GLRX3: variants seen among roughly 807,000 people sequenced by gnomAD.
The protein encoded by GLRX3 is glutaredoxin 3, also known as glutaredoxin-3.
Under a neutral mutation model 49.5 loss-of-function variants are expected in GLRX3, and 22 were observed. The observed-to-expected ratio is 0.44, with a 90% CI of 0.32 to 0.63. The LOEUF (loss-of-function observed/expected upper bound fraction) is 0.63. Among genes scored for constraint, GLRX3 ranks in the 30% least tolerant of loss-of-function variants. GLRX3 has a pLI of 0.05. For missense variants in GLRX3, 385 were observed against 396.3 expected (o/e 0.97, Z 0.24); for synonymous variants, 133 against 140.0 (o/e 0.95, Z 0.35).
chr10:130,154,104 G>A (rs1862431404), intron 2 of GLRX3, among the ~76,000 whole-genome samples: 1 of 152,224 alleles, frequency 6.6e-6, no homozygotes, highest in African/African-American at 2.4e-5. Flanking sequence ...TGCGCTGGCA[G>A]CGAGCAAGGC....
At chr10:130,147,677 T>C (rs956217722) in intron 2 of GLRX3, among the ~76,000 whole-genome samples, 6 of 152,224 alleles carry the variant, frequency 3.9e-5, no homozygotes, top group Admixed American at 3.3e-4. Flanking sequence ...GGCAGCTAAT[T>C]AAAAGGCACT....
Position 130,168,972 on chromosome 10 carries a change from G to A in GLRX3, c.714-461G>A, listed in dbSNP as rs144747563. ...GTTAAGATGAGAGAATTTGATTTTA[G>A]TATCTGGCATTAGTTGATGTTCTGA... On this transcript the variant is annotated intron_variant, in intron 6 of 10. Transcript: ENST00000331244. 6.6e-3 allele frequency among the ~76,000 whole-genome samples: 1,007 copies of A among 152,278 alleles called. 11 individuals are homozygous for A. Among genetic ancestry groups the A allele is most frequent in the Non-Finnish European group, 7.3e-3 (499 of 68,028 alleles).
At chr10:130,177,092 AC>A (rs1862938368) in intron 10 of GLRX3, among the ~76,000 whole-genome samples, 1 of 152,250 alleles carries the variant, frequency 6.6e-6, no homozygotes, top group African/African-American at 2.4e-5. Context: ...AATAGATCTT[AC>A]GATCCCATTT....
intron 2 of GLRX3, among the ~76,000 whole-genome samples, chr10:130,145,751 T>C (rs188089299): frequency 4.1e-4 from 62 of 152,188 alleles, no homozygotes; most frequent in African/African-American, 1.4e-3. Flanking sequence ...GTATAATTGG[T>C]GTGGGATCTG....
At chr10:130,154,842 A>T (rs888919624) in intron 2 of GLRX3, among the ~76,000 whole-genome samples, 1 of 152,240 alleles carries the variant, frequency 6.6e-6, no homozygotes, top group Admixed American at 6.5e-5. Flanking sequence ...GTAGACATAT[A>T]TGTTATCAAG....
chr10:130,160,479 G>A (rs550878566), intron 3 of GLRX3, among the ~76,000 whole-genome samples: 2 of 152,052 alleles, frequency 1.3e-5, no homozygotes, highest in Non-Finnish European at 2.9e-5. Context: ...GGCACCCATG[G>A]GTGTCATCGT....
intron 4 of GLRX3, among the ~76,000 whole-genome samples, chr10:130,165,598 TAAC>T (rs1289823882): frequency 3.3e-5 from 5 of 149,908 alleles, no homozygotes; most frequent in African/African-American, 1.0e-4. Context: ...GGTTCATATA[TAAC>T]AACAGAGAAG....
chr10:130,167,772 AT>A, intron 6 of GLRX3, among the ~76,000 whole-genome samples: 1 of 152,294 alleles, frequency 6.6e-6, no homozygotes, highest in South Asian at 2.1e-4. Context: ...TCTGTCGTTA[AT>A]TAATAATTTC....
intron 6 of GLRX3, among the ~76,000 whole-genome samples, chr10:130,168,979 G>A (rs1862750062): frequency 6.6e-6 from 1 of 152,114 alleles, no homozygotes; most frequent in Non-Finnish European, 1.5e-5. Context: ...TTAGTATCTG[G>A]CATTAGTTGA....
rs1001091264 is a variant in GLRX3 at position 130,161,012 on chromosome 10, T to G, written c.478+15T>G. 14 of 1,590,518 alleles carry G rather than the reference T, an allele frequency of 8.8e-6. No individual in the cohort carries two copies. The highest frequency in any genetic ancestry group is 1.2e-5 in the Non-Finnish European group (14 of 1,160,480). ...ACCACGCTGTGGTAAGAAGCTGCCT[T>G]TAACATAATATAAACAAAATGGGTG... is the stretch of plus-strand genomic sequence containing the variant. On this transcript the variant is annotated intron_variant, in intron 4 of 10. Coordinates refer to ENST00000331244, the MANE Select transcript of GLRX3 (RefSeq NM_006541.5).
intron 6 of GLRX3, among the ~76,000 whole-genome samples, chr10:130,167,367 C>T (rs1285866312): frequency 3.9e-5 from 6 of 152,184 alleles, no homozygotes; most frequent in South Asian, 2.1e-4. Flanking sequence ...GCTGCCCCAA[C>T]GCCAGAGCAC....
chr10:130,176,234 C>T (rs1862917399), intron 10 of GLRX3, among the ~76,000 whole-genome samples: 1 of 151,842 alleles, frequency 6.6e-6, no homozygotes, highest in Non-Finnish European at 1.5e-5. Context: ...ATTCTCCTGC[C>T]TCAGCCTCCT....
At chr10:130,177,454 A>G (rs2134933557) in intron 10 of GLRX3, among the ~76,000 whole-genome samples, 1 of 152,350 alleles carries the variant, frequency 6.6e-6, no homozygotes, top group Non-Finnish European at 1.5e-5. Flanking sequence ...CCAATGTTCC[A>G]GGCACACTGC....
intron 10 of GLRX3, among the ~76,000 whole-genome samples, chr10:130,176,774 T>TTCTCTC (rs1554958610): frequency 6.3e-5 from 7 of 110,998 alleles, no homozygotes; most frequent in East Asian, 2.6e-4. Flanking sequence ...CCCTCCCTCT[T>TTCTCTC]TCTCTCTCTC....
intron 6 of GLRX3, 139 bp from the exon 7 acceptor site, chr10:130,169,294 C>T (rs1554957769): frequency 3.2e-6 from 2 of 622,614 alleles, no homozygotes; most frequent in South Asian, 3.8e-5. Context: ...AATGTCAACG[C>T]ATTTGCTTGT....
intron 10 of GLRX3, among the ~76,000 whole-genome samples, chr10:130,178,179 CTG>C (rs1565002163): frequency 6.6e-6 from 1 of 152,202 alleles, no homozygotes; most frequent in African/African-American, 2.4e-5. Flanking sequence ...TGATTCCTCT[CTG>C]TGAGTGGAAG....
intron 7 of GLRX3, 121 bp downstream of exon 7, chr10:130,169,611 AT>A (rs762138433): frequency 4.4e-6 from 3 of 688,430 alleles, no homozygotes; most frequent in Non-Finnish European, 5.2e-6. Flanking sequence ...TCAGGAAGTT[AT>A]CCACGCCTTA....
At chr10:130,140,010 A>T (rs953283404) in intron 1 of GLRX3, among the ~76,000 whole-genome samples, 7 of 152,218 alleles carry the variant, frequency 4.6e-5, no homozygotes, top group Non-Finnish European at 1.0e-4. Context: ...CGCTTCTCCA[A>T]TTTTAAAATT....
intron 6 of GLRX3, among the ~76,000 whole-genome samples, chr10:130,168,334 A>G (rs1328836665): frequency 6.6e-6 from 1 of 152,168 alleles, no homozygotes; most frequent in Admixed American, 6.5e-5. Flanking sequence ...GTATTCCTAT[A>G]TCTGTTCATA....
Sources: gnomAD v4.1 joint callset for allele counts (sites outside exome capture counted in the v4.1 genomes callset) on GRCh38, gnomAD v4.1.1 for gene constraint, MANE v1.5 for transcripts, NCBI Gene and HGNC (gene_info 2026-07-23, HGNC 2026-07-21) for gene names.